CNTN1: variants seen among roughly 807,000 people sequenced by gnomAD.
CNTN1 encodes contactin-1.
CNTN1 carries 38 observed loss-of-function variants against 126.4 expected under a neutral mutation model. The ratio of observed to expected loss-of-function variants is 0.30; its 90% CI spans 0.23 to 0.39. The LOEUF (loss-of-function observed/expected upper bound fraction) is 0.39, where lower values mean the gene tolerates loss of function less well. Among genes scored for constraint, CNTN1 ranks in the 10% least tolerant of loss-of-function variants. The pLI is 1.00. For synonymous variants in CNTN1, 413 were observed against 422.6 expected, an observed-to-expected ratio of 0.98 and a Z score of 0.28; for missense variants, 1,009 against 1,248.4, an observed-to-expected ratio of 0.81 and a Z score of 2.89.
intron 1 of CNTN1, chr12:40,828,284 G>C (rs918350657): frequency 2.0e-5 from 3 of 152,172 alleles, no homozygotes; most frequent in African/African-American, 7.2e-5. Flanking sequence ...CAGGACGACA[G>C]ATAAGTCAAC....
At chr12:40,928,270 A>G (rs1945762302) in intron 6 of CNTN1, among the ~76,000 whole-genome samples, 1 of 152,082 alleles carries the variant, frequency 6.6e-6, no homozygotes. Flanking sequence ...AAAAGATCAA[A>G]GTCTTCTTTT....
intron 21 of CNTN1, among the ~76,000 whole-genome samples, chr12:41,026,391 T>C (rs1435112481): frequency 6.6e-6 from 1 of 152,080 alleles, no homozygotes; most frequent in Non-Finnish European, 1.5e-5. Context: ...GGCAATAAAA[T>C]GAATAAATAG....
intron 23 of CNTN1, among the ~76,000 whole-genome samples, chr12:41,061,112 T>C (rs1949929574): frequency 6.6e-6 from 1 of 152,192 alleles, no homozygotes; most frequent in African/African-American, 2.4e-5. Flanking sequence ...TGCTTTTGTG[T>C]AAATGTCACC....
At chr12:40,857,105 A>C (rs957346530) in intron 1 of CNTN1, among the ~76,000 whole-genome samples, 2 of 152,142 alleles carry the variant, frequency 1.3e-5, no homozygotes, top group Non-Finnish European at 2.9e-5. Flanking sequence ...GTAGGCAAAA[A>C]CTTTGAAGAC....
chr12:40,726,991 GTC>G (rs1240641046), intron 1 of CNTN1, among the ~76,000 whole-genome samples: 1 of 148,702 alleles, frequency 6.7e-6, no homozygotes, highest in African/African-American at 2.5e-5. Flanking sequence ...AATCTAAAAA[GTC>G]TTTTATTATT....
chr12:40,797,044 G>A (rs763167145), intron 1 of CNTN1, among the ~76,000 whole-genome samples: 28 of 152,012 alleles, frequency 1.8e-4, no homozygotes, highest in Non-Finnish European at 4.0e-4. Context: ...CATCTTATTA[G>A]CACCTAATAA....
Position 40,933,473 on chromosome 12 carries a change from C to T in CNTN1, c.716C>T (p.Pro239Leu). ...CTCTTAATATTAGGAACAACAAAACCATATCCTGCTGATATTGTAGTTCAG... is the reference window on the plus strand; with the variant it reads ...CTCTTAATATTAGGAACAACAAAACTATATCCTGCTGATATTGTAGTTCAG... ...LIPIPERTTK[P>L]YPADIVVQFK... The change falls in exon 8 of 24, where the codon CCA (proline) becomes CTA (leucine). Residue 239 changes from proline (P) to leucine (L), a missense_variant. Transcript: ENST00000551295. 1.2e-6 allele frequency: 2 copies of T among 1,603,860 alleles called. No individual in the cohort carries two copies. The highest frequency in any genetic ancestry group is 1.7e-6 in the Non-Finnish European group (2 of 1,171,144).
chr12:40,921,026 C>T (rs1266091186), intron 4 of CNTN1, among the ~76,000 whole-genome samples: 1 of 152,110 alleles, frequency 6.6e-6, no homozygotes, highest in Non-Finnish European at 1.5e-5. Context: ...AAGAGCTAAG[C>T]AACTTAACAC....
chr12:40,782,115 C>T (rs919808589), intron 1 of CNTN1, among the ~76,000 whole-genome samples: 1 of 151,730 alleles, frequency 6.6e-6, no homozygotes, highest in Non-Finnish European at 1.5e-5. Context: ...CCCCTATTAC[C>T]TATCTATCAA....
At chr12:40,939,199 G>A (rs1946180786) in intron 11 of CNTN1, 136 bp from the exon 12 acceptor site, 1 of 897,564 alleles carries the variant, frequency 1.1e-6, no homozygotes, top group South Asian at 1.6e-5. Context: ...AATGCCTATT[G>A]GTGACAGCTG....
At chr12:40,757,274 T>C (rs560220759) in intron 1 of CNTN1, among the ~76,000 whole-genome samples, 7 of 73,230 alleles carry the variant, frequency 9.6e-5, no homozygotes, top group Admixed American at 3.4e-4. Flanking sequence ...AGGGTTTCAA[T>C]ATTTGAGTTT....
At chr12:40,960,674 A>G (rs1328414473) in intron 15 of CNTN1, among the ~76,000 whole-genome samples, 1 of 152,122 alleles carries the variant, frequency 6.6e-6, no homozygotes, top group Non-Finnish European at 1.5e-5. Context: ...AAATGAGACT[A>G]CAAAATCCTA....
At chr12:41,030,813 T>G (rs1406453066) in intron 23 of CNTN1, among the ~76,000 whole-genome samples, 3 of 152,212 alleles carry the variant, frequency 2.0e-5, no homozygotes, top group Non-Finnish European at 4.4e-5. Flanking sequence ...TCTAATATTA[T>G]TGTCTTTTTA....
Position 41,041,239 on chromosome 12 carries a change from C to A in CNTN1, c.2980+12020C>A, listed in dbSNP as rs1592447261. Among the ~76,000 whole-genome samples, 5 of 152,164 alleles carry A rather than the reference C, an allele frequency of 3.3e-5. No individual in the cohort carries two copies. The South Asian group carries it at 1.0e-3, about 32-fold the overall frequency. On this transcript the variant is annotated intron_variant, in intron 23 of 23. Transcript: ENST00000551295. ...CATTTACTGATTTGCATATATTGAA[C>A]CAGCCTTGCATCCCAGGGATGAAGC...
At chr12:40,710,315 A>G (rs1480106569) in intron 1 of CNTN1, among the ~76,000 whole-genome samples, 2 of 152,196 alleles carry the variant, frequency 1.3e-5, no homozygotes, top group African/African-American at 4.8e-5. Context: ...CAGAACACCT[A>G]TTGATTAAGT....
At chr12:40,941,892 A>C (rs1946275480) in intron 12 of CNTN1, among the ~76,000 whole-genome samples, 1 of 152,144 alleles carries the variant, frequency 6.6e-6, no homozygotes, top group Admixed American at 6.6e-5. Context: ...AATTATTACA[A>C]AAAAATCAGG....
intron 1 of CNTN1, among the ~76,000 whole-genome samples, chr12:40,809,350 C>T (rs1940967195): frequency 6.6e-6 from 1 of 152,058 alleles, no homozygotes. Context: ...GAATGTTTTA[C>T]AAAATAACTT....
At chr12:40,855,414 T>C (rs1942870848) in intron 1 of CNTN1, among the ~76,000 whole-genome samples, 1 of 152,140 alleles carries the variant, frequency 6.6e-6, no homozygotes, top group South Asian at 2.1e-4. Context: ...TTGATATATC[T>C]CTTGCACAAC....
intron 16 of CNTN1, among the ~76,000 whole-genome samples, chr12:40,983,867 AGC>A (rs1947883298): frequency 3.0e-5 from 2 of 66,910 alleles, no homozygotes; most frequent in African/African-American, 7.1e-5. Flanking sequence ...ATGCTATTAT[AGC>A]ATATTTTATT....
Sources: gnomAD v4.1 joint callset for allele counts (sites outside exome capture counted in the v4.1 genomes callset) on GRCh38, gnomAD v4.1.1 for gene constraint, MANE v1.5 for transcripts, NCBI Gene and HGNC (gene_info 2026-07-23, HGNC 2026-07-21) for gene names.